Variants in DNMT3B observed in about 807,000 individuals in gnomAD.
The protein encoded by DNMT3B is DNA methyltransferase 3 beta.
In DNMT3B, 37 loss-of-function variants were observed where a neutral mutation model predicts 120.2. The ratio of observed to expected loss-of-function variants is 0.31; its 90% CI spans 0.24 to 0.40. DNMT3B has a LOEUF of 0.40. DNMT3B is among the 10% of genes least tolerant of loss of function. The pLI is 1.00. For synonymous variants in DNMT3B, 412 were observed against 442.8 expected, an observed-to-expected ratio of 0.93 and a Z score of 0.87; for missense variants, 878 against 1,137.3, an observed-to-expected ratio of 0.77 and a Z score of 3.28.
rs1308676819 is a variant in DNMT3B, at chr20:32,762,694, C to A, written c.-12C>A. ...CCCAGCCGCGCCCCAGCCAGCCCTG[C>A]GGCAGGTGAGCGCCCCGGGGCCCCG... On this transcript the variant is annotated 5_prime_UTR_variant, in exon 1 of 23. Coordinates refer to ENST00000328111, the MANE Select transcript of DNMT3B (RefSeq NM_006892.4). 1 of 179,804 alleles carries A rather than the reference C, an allele frequency of 5.6e-6. No individual in the cohort carries two copies. Among genetic ancestry groups the A allele is most frequent in the Non-Finnish European group, 1.1e-5 (1 of 89,554 alleles). The allele number at this position is 179,804 out of a possible 1,614,324, so 11.1% of individuals were successfully genotyped here. A position where few individuals can be genotyped will look rare whatever the true frequency, so the allele number is the denominator to read the frequency against.
chr20:32,765,038 T>C (rs1568815009), intron 1 of DNMT3B, among the ~76,000 whole-genome samples: 1 of 152,230 alleles, frequency 6.6e-6, no homozygotes, highest in African/African-American at 2.4e-5. Flanking sequence ...GACCAGCTCT[T>C]ATGCCGGCTG....
At chr20:32,772,059 A>T (rs1987778780) in intron 1 of DNMT3B, among the ~76,000 whole-genome samples, 1 of 152,242 alleles carries the variant, frequency 6.6e-6, no homozygotes, top group Non-Finnish European at 1.5e-5. Context: ...TTGTCTAACA[A>T]TAAGTACTGC....
Position 32,808,680 on chromosome 20 carries a change from G to T in DNMT3B, c.*777G>T, listed in dbSNP as rs992530145. On this transcript the variant is annotated 3_prime_UTR_variant, in exon 23 of 23. Coordinates refer to ENST00000328111, the MANE Select transcript of DNMT3B (RefSeq NM_006892.4). ...GGGAGCTCAGGAAGGGGTGTGCTGA[G>T]TTCTATAATATAAGCTGCCATATAT... The T allele has an allele frequency of 4.4e-6, 1 of 229,732 alleles. No homozygotes were observed. Among genetic ancestry groups the T allele is most frequent in the African/African-American group, 2.2e-5 (1 of 45,128 alleles). The allele number at this position is 229,732 out of a possible 1,614,324, so 14.2% of individuals were successfully genotyped here.
At chr20:32,789,101 T>G in intron 7 of DNMT3B, 89 bp downstream of exon 7, 2 of 1,565,202 alleles carry the variant, frequency 1.3e-6, no homozygotes, top group East Asian at 4.6e-5. Flanking sequence ...GATTGTATTC[T>G]GCAGATGTGT....
At chr20:32,807,165 G>T (rs1244728680) in intron 22 of DNMT3B, among the ~76,000 whole-genome samples, 1 of 152,222 alleles carries the variant, frequency 6.6e-6, no homozygotes, top group Non-Finnish European at 1.5e-5. Flanking sequence ...AACCCACGCA[G>T]CCATTGGCCT....
At position 32,784,113 on chromosome 20, in the gene DNMT3B, C is replaced by T. The variant is rs544535742; in HGVS notation, c.205-645C>T. Among the ~76,000 whole-genome samples, 15 of 152,282 alleles carry T rather than the reference C, an allele frequency of 9.9e-5. No homozygotes were observed. The South Asian group carries it at 2.3e-3, about 23-fold the overall frequency. ...TGTATTTTTAGTAGAGACAGGGTTT[C>T]GCCATATTGGCCAGGCTGGTCTTGA... is the stretch of plus-strand genomic sequence containing the variant. On this transcript the variant is annotated intron_variant, in intron 3 of 22. Coordinates refer to ENST00000328111, the MANE Select transcript of DNMT3B (RefSeq NM_006892.4).
intron 22 of DNMT3B, 32 bp downstream of exon 22, chr20:32,806,359 G>A (rs1981980338): frequency 3.1e-6 from 5 of 1,601,830 alleles, no homozygotes; most frequent in Non-Finnish European, 3.4e-6. Flanking sequence ...GAGGGAAACT[G>A]TGTAGATCAA....
Position 32,805,354 on chromosome 20 carries a change from A to G in DNMT3B, c.2248A>G (p.Lys750Glu). 6.2e-7 allele frequency: 1 copy of G among 1,614,196 alleles called. No individual in the cohort carries two copies. Residue 750 changes from lysine (K) to glutamate (E), a missense_variant, in exon 21 of 23, where the codon AAG becomes GAG. Lys to Glu is a moderately conservative substitution (Grantham distance 56). This residue lies in a region of DNMT3B where 334 missense variants were observed against 518.8 expected (regional missense o/e 0.64). Coordinates refer to ENST00000328111, the MANE Select transcript of DNMT3B (RefSeq NM_006892.4). Reference sequence around the variant, plus strand: ...TGTTCCCAGGCCCGTGATAGCATCAAAGAATGATAAACTCGAGCTGCAGGA... The same window carrying G: ...TGTTCCCAGGCCCGTGATAGCATCAGAGAATGATAAACTCGAGCTGCAGGA... The part of the protein sequence containing the change: ...PGMNRPVIAS[K>E]NDKLELQDCL...
intron 1 of DNMT3B, among the ~76,000 whole-genome samples, chr20:32,778,999 C>T (rs1474994703): frequency 2.0e-5 from 3 of 152,058 alleles, no homozygotes; most frequent in South Asian, 2.1e-4. Flanking sequence ...AGATAAACTG[C>T]GAGGCTAGCA....
intron 6 of DNMT3B, among the ~76,000 whole-genome samples, chr20:32,788,129 G>C (rs1354183644): frequency 6.6e-6 from 1 of 152,140 alleles, no homozygotes; most frequent in African/African-American, 2.4e-5. Context: ...AGGCCATCTG[G>C]GCTTAAACGT....
intron 1 of DNMT3B, among the ~76,000 whole-genome samples, chr20:32,771,635 CAA>C (rs10625883): frequency 1.7e-4 from 15 of 87,920 alleles, no homozygotes; most frequent in Non-Finnish European, 2.0e-4. Flanking sequence ...GACCGCATCT[CAA>C]AAAAAAAAAA....
intron 1 of DNMT3B, among the ~76,000 whole-genome samples, chr20:32,779,263 C>T (rs1458531664): frequency 3.9e-5 from 6 of 152,200 alleles, no homozygotes; most frequent in Admixed American, 2.0e-4. Context: ...TTGGAAAACT[C>T]GGTTTCAGCG....
chr20:32,762,518 C>A lies in DNMT3B; in HGVS notation c.-188C>A. 6.6e-6 allele frequency: 2 copies of A among 302,358 alleles called. No individual in the cohort carries two copies. The highest frequency in any genetic ancestry group is 1.4e-4 in the East Asian group (1 of 6,984). 18.7% of individuals were successfully genotyped at this position (302,358 alleles called of 1,614,324 possible). A position where few individuals can be genotyped will look rare whatever the true frequency, so the allele number is the denominator to read the frequency against. ...ACCGGCTCCCTGGCGGTCGGGCGAG[C>A]GGGCGGCAACGCTGCCCGGCCGGCA... is the stretch of plus-strand genomic sequence containing the variant. On this transcript the variant is annotated 5_prime_UTR_variant, in exon 1 of 23. Transcript: ENST00000328111.
chr20:32,789,734 C>G (rs1275654608), intron 7 of DNMT3B, among the ~76,000 whole-genome samples: 1 of 152,198 alleles, frequency 6.6e-6, no homozygotes, highest in Non-Finnish European at 1.5e-5. Flanking sequence ...GCTGGGGTTA[C>G]AGGCACCTGC....
Position 32,800,940 on chromosome 20 carries a change from C to G in DNMT3B, c.1996+15C>G. ...AGGCCTGTATGGTGAGCATCCTTCTCTCTGGCAGTCCCTGGAGAGCCTATG... is the reference window on the plus strand; with the variant it reads ...AGGCCTGTATGGTGAGCATCCTTCTGTCTGGCAGTCCCTGGAGAGCCTATG... On this transcript the variant is annotated intron_variant, in intron 18 of 22. Coordinates refer to ENST00000328111, the MANE Select transcript of DNMT3B (RefSeq NM_006892.4). The G allele has an allele frequency of 1.2e-6, 2 of 1,614,046 alleles. No individual in the cohort carries two copies. The highest frequency in any genetic ancestry group is 1.7e-6 in the Non-Finnish European group (2 of 1,179,906).
Position 32,808,381 on chromosome 20 carries a change from T to C in DNMT3B, c.*478T>C, listed in dbSNP as rs1220168540. On this transcript the variant is annotated 3_prime_UTR_variant, in exon 23 of 23. Coordinates refer to ENST00000328111, the MANE Select transcript of DNMT3B (RefSeq NM_006892.4). Reference sequence around the variant, plus strand: ...ACAGACGTGTGCAGTTGTAGGCATGTAGCTACAGGACATTTTTAAGGGCCC... The same window carrying C: ...ACAGACGTGTGCAGTTGTAGGCATGCAGCTACAGGACATTTTTAAGGGCCC... The C allele has an allele frequency of 7.8e-6, 2 of 255,968 alleles. No homozygotes were observed. Among genetic ancestry groups the C allele is most frequent in the Non-Finnish European group, 1.5e-5 (2 of 132,128 alleles). The allele number at this position is 255,968 out of a possible 1,614,324, so 15.9% of individuals were successfully genotyped here. A position where few individuals can be genotyped will look rare whatever the true frequency, so the allele number is the denominator to read the frequency against.
At chr20:32,797,396 G>C (rs1289824104) in intron 14 of DNMT3B, 97 bp downstream of exon 14, 7 of 1,232,914 alleles carry the variant, frequency 5.7e-6, no homozygotes, top group Non-Finnish European at 8.1e-6. Flanking sequence ...GGAATCCTAG[G>C]CATGGGAATA....
At chr20:32,794,799 C>T (rs8115015) in intron 10 of DNMT3B, among the ~76,000 whole-genome samples, 2,819 of 152,274 alleles carry the variant, frequency 0.019, 32 homozygotes, top group South Asian at 0.044. Context: ...ATATATTTTA[C>T]ATATTACATA....
At chr20:32,766,250 C>T (rs1019828339) in intron 1 of DNMT3B, among the ~76,000 whole-genome samples, 6 of 152,070 alleles carry the variant, frequency 3.9e-5, no homozygotes, top group Admixed American at 1.3e-4. Context: ...GGCTGAGGCA[C>T]GAGAATTGCT....
Sources: gnomAD v4.1 joint callset for allele counts (sites outside exome capture counted in the v4.1 genomes callset) on GRCh38, gnomAD v4.1.1 for gene constraint, gnomAD v4.1.1 regional missense constraint, MANE v1.5 for transcripts, NCBI Gene and HGNC (gene_info 2026-07-23, HGNC 2026-07-21) for gene names.